Variants in CNOT1 observed in about 807,000 individuals in gnomAD.
CNOT1 encodes CCR4-NOT transcription complex subunit 1, also known as CCR4-associated factor 1.
A neutral mutation model predicts 273.8 loss-of-function variants in CNOT1; 15 were observed. The ratio of observed to expected loss-of-function variants is 0.05; its 90% CI spans 0.04 to 0.08. The LOEUF is 0.08. CNOT1 is among the 10% of genes least tolerant of loss of function. CNOT1 has a pLI of 1.00. For synonymous variants in CNOT1, 1,022 were observed against 1,005.5 expected, an observed-to-expected ratio of 1.02 and a Z score of -0.31; for missense variants, 1,644 against 2,912.2, an observed-to-expected ratio of 0.56 and a Z score of 10.02.
intron 46 of CNOT1, among the ~76,000 whole-genome samples, chr16:58,524,074 C>T (rs1039676904): frequency 6.6e-6 from 1 of 151,918 alleles, no homozygotes; most frequent in Non-Finnish European, 1.5e-5. Context: ...ATGGTGAAAC[C>T]CCATCTCTAC....
chr16:58,585,864 C>T (rs567556802), intron 7 of CNOT1, among the ~76,000 whole-genome samples: 2 of 152,108 alleles, frequency 1.3e-5, no homozygotes, highest in Admixed American at 1.3e-4. Flanking sequence ...ATTTATTTCA[C>T]TGGCAAGTGG....
At chr16:58,609,618 A>G (rs1320535653) in intron 1 of CNOT1, among the ~76,000 whole-genome samples, 1 of 151,766 alleles carries the variant, frequency 6.6e-6, no homozygotes, top group Non-Finnish European at 1.5e-5. Context: ...ACATGCCACC[A>G]TGCCTGGCTA....
At chr16:58,539,655 T>TAA (rs1290132370) in intron 35 of CNOT1, 113 bp downstream of exon 35, 22 of 1,128,398 alleles carry the variant, frequency 1.9e-5, no homozygotes, top group Non-Finnish European at 2.6e-5. Flanking sequence ...TTACAGAACT[T>TAA]GATTTATATT....
In CNOT1 at chr16:58,520,815, G is replaced by T; in HGVS notation, c.*143C>A. 1.2e-6 allele frequency: 1 copy of T among 815,056 alleles called. No individual in the cohort carries two copies. Among genetic ancestry groups the T allele is most frequent in the Non-Finnish European group, 2.0e-6 (1 of 511,440 alleles). The allele number at this position is 815,056 out of a possible 1,614,324, so 50.5% of individuals were successfully genotyped here. A position where few individuals can be genotyped will look rare whatever the true frequency, so the allele number is the denominator to read the frequency against. On this transcript the variant is annotated 3_prime_UTR_variant, in exon 49 of 49. Coordinates refer to ENST00000317147, the MANE Select transcript of CNOT1 (RefSeq NM_016284.5). ...ACGTGCCCACATAAGACAGGAGGCT[G>T]ATCCCAACAGTAGTTGGGGCAGATA...
rs1207156858 is a variant in CNOT1, at chr16:58,541,526, G to A, written c.4775C>T (p.Thr1592Met). The A allele has an allele frequency of 1.5e-5, 24 of 1,613,630 alleles. No individual in the cohort carries two copies. The highest frequency in any genetic ancestry group is 1.9e-5 in the Non-Finnish European group (23 of 1,179,746). ...FLPTNDLSQP[T>M]GFLAQPMKQA... ...CTTCATGGGCTGGGCTAAAAATCCC[G>A]TGGGCTGACTTAAGTCATTTGTAGG... Residue 1592 changes from threonine to methionine, a missense_variant, in exon 34 of 49, where the codon ACG (threonine) becomes ATG (methionine). This residue lies in a region of CNOT1 where 170 missense variants were observed against 273.1 expected (regional missense o/e 0.62). Coordinates refer to ENST00000317147, the MANE Select transcript of CNOT1 (RefSeq NM_016284.5).
chr16:58,555,817 A>C lies in CNOT1; in HGVS notation c.2571T>G (p.Asn857Lys). ...EANSYFQRIY[N>K]HPPHPTMSVD... ...CAGACATGGTTGGATGTGGTGGATG[A>C]TTATATATTCGCTGGAAATAGCTGT... Residue 857 changes from asparagine to lysine, a missense_variant, in exon 20 of 49, where the codon AAT (asparagine) becomes AAG (lysine). Physicochemically the swap from Asn to Lys is moderately conservative, Grantham distance 94. This residue lies in a region of CNOT1 where 74 missense variants were observed against 184.6 expected (regional missense o/e 0.40). Transcript: ENST00000317147. 1 of 1,614,046 alleles carries C rather than the reference A, an allele frequency of 6.2e-7. No homozygotes were observed. The highest frequency in any genetic ancestry group is 8.5e-7 in the Non-Finnish European group (1 of 1,180,020).
chr16:58,521,454 G>C, intron 47 of CNOT1, 137 bp from the exon 48 acceptor site: 1 of 795,400 alleles, frequency 1.3e-6, no homozygotes, highest in South Asian at 1.8e-5. Flanking sequence ...AAGACAGGTG[G>C]ATTAATATAC....
rs754565642 is a variant in CNOT1, at chr16:58,539,902, C to T, written c.4858G>A (p.Glu1620Lys). Reference sequence around the variant, plus strand: ...GGTGGGATGGCATGTAGATGTTGCTCCAGTTCTGTAATACACTTATCATAA... The same window carrying T: ...GGTGGGATGGCATGTAGATGTTGCTTCAGTTCTGTAATACACTTATCATAA... ...QIYDKCITEL[E>K]QHLHAIPPTL... The change falls in exon 35 of 49, where the codon GAG becomes AAG. Residue 1620 changes from glutamate to lysine, a missense_variant. Coordinates refer to ENST00000317147, the MANE Select transcript of CNOT1 (RefSeq NM_016284.5). 4 of 1,614,156 alleles carry T rather than the reference C, an allele frequency of 2.5e-6. No homozygotes were observed. The highest frequency in any genetic ancestry group is 3.4e-6 in the Non-Finnish European group (4 of 1,180,026).
rs140256093 is a variant in CNOT1, at chr16:58,583,577, G to A, written c.807-395C>T. Among the ~76,000 whole-genome samples, 9 of 152,206 alleles carry A rather than the reference G, an allele frequency of 5.9e-5. No homozygotes were observed. In the East Asian group the frequency reaches 7.8e-4, roughly 13 times the overall value. ...CAGCAGGAGGTGAGCAAGTATTTCC[G>A]CTTGGGCTCCACTTCCTGTGGAGTA... is the stretch of plus-strand genomic sequence containing the variant. On this transcript the variant is annotated intron_variant, in intron 8 of 48. Coordinates refer to ENST00000317147, the MANE Select transcript of CNOT1 (RefSeq NM_016284.5).
At chr16:58,539,060 TG>T in intron 35 of CNOT1, 146 bp from the exon 36 acceptor site, 1 of 1,247,722 alleles carries the variant, frequency 8.0e-7, no homozygotes, top group Non-Finnish European at 1.1e-6. Flanking sequence ...CCCTTTCAGT[TG>T]CCTATCACAC....
At chr16:58,544,046 G>A (rs959622987) in intron 30 of CNOT1, 143 bp from the exon 31 acceptor site, 22 of 1,370,578 alleles carry the variant, frequency 1.6e-5, no homozygotes, top group African/African-American at 2.9e-5. Context: ...TGGAAAATTC[G>A]GGTAACAGAA....
In CNOT1 at chr16:58,532,083, A is replaced by C. The variant is rs1201770883; in HGVS notation, c.6060-8T>G. On this transcript the variant is annotated splice_region_variant and splice_polypyrimidine_tract_variant and intron_variant, in intron 41 of 48. Coordinates refer to ENST00000317147, the MANE Select transcript of CNOT1 (RefSeq NM_016284.5). ...AAGATGTGGAATGTATTGCTGAAAG[A>C]AGAAAAACCTTAGTCAGAAGCACAG... 6.2e-7 allele frequency: 1 copy of C among 1,613,860 alleles called. No homozygotes were observed. The highest frequency in any genetic ancestry group is 8.5e-7 in the Non-Finnish European group (1 of 1,180,012).
intron 16 of CNOT1, among the ~76,000 whole-genome samples, chr16:58,560,998 C>T (rs1483086842): frequency 6.6e-6 from 1 of 152,122 alleles, no homozygotes; most frequent in African/African-American, 2.4e-5. Context: ...GCACTCCAGT[C>T]TGGGTGACAG....
At chr16:58,605,380 G>C (rs1241994795) in intron 1 of CNOT1, among the ~76,000 whole-genome samples, 1 of 151,944 alleles carries the variant, frequency 6.6e-6, no homozygotes, top group Non-Finnish European at 1.5e-5. Context: ...GTGCACACCT[G>C]TAATCCCGGC....
intron 39 of CNOT1, among the ~76,000 whole-genome samples, chr16:58,535,563 C>A (rs2039901141): frequency 6.6e-6 from 1 of 152,110 alleles, no homozygotes; most frequent in East Asian, 1.9e-4. Flanking sequence ...TCAGAAAGAC[C>A]AATGGATTCC....
chr16:58,530,207 C>G (rs756293219), intron 43 of CNOT1, 39 bp downstream of exon 43: 1 of 1,489,982 alleles, frequency 6.7e-7, no homozygotes, highest in South Asian at 1.2e-5. Flanking sequence ...TTCTTAAGAT[C>G]TCAGTTATTT....
In CNOT1 at chr16:58,629,795, C is replaced by G. The variant is rs1399484555; in HGVS notation, c.-242G>C. On this transcript the variant is annotated 5_prime_UTR_variant, in exon 1 of 49. Coordinates refer to ENST00000317147, the MANE Select transcript of CNOT1 (RefSeq NM_016284.5). ...TCCCCGACTCCGGCTCTCCTCGACC[C>G]CCTCTTCGGTTAACTCCGCTTGTTT... is the stretch of plus-strand genomic sequence containing the variant. 6.6e-6 allele frequency: 1 copy of G among 152,392 alleles called. No individual in the cohort carries two copies. The highest frequency in any genetic ancestry group is 1.5e-5 in the Non-Finnish European group (1 of 68,094). 9.4% of individuals were successfully genotyped at this position (152,392 alleles called of 1,614,324 possible).
chr16:58,554,933 C>CT (rs2040579863), intron 21 of CNOT1, among the ~76,000 whole-genome samples: 1 of 10,564 alleles, frequency 9.5e-5, no homozygotes, highest in Middle Eastern at 0.083. Flanking sequence ...AAGACTCCAT[C>CT]TCAAAAAAAA....
Position 58,521,311 on chromosome 16 carries a change from G to C in CNOT1, c.6924C>G (p.Leu2308=), listed in dbSNP as rs745628212. Residue 2308 remains leucine, a synonymous_variant, in exon 48 of 49, where the codon CTC becomes CTG. Transcript: ENST00000317147. ...EAIQEQITRV[L]LERLIVNRPH... is the part of the protein sequence containing the mutation. ...GCCTATTTACAATCAACCGTTCCAA[G>C]AGAACTCTGGAAAAAGGGAGAAAGA... 1 of 1,603,152 alleles carries C rather than the reference G, an allele frequency of 6.2e-7. No individual in the cohort carries two copies. The highest frequency in any genetic ancestry group is 8.5e-7 in the Non-Finnish European group (1 of 1,177,416).
Sources: allele counts gnomAD v4.1 joint callset (sites outside exome capture counted in the v4.1 genomes callset), GRCh38; gene constraint gnomAD v4.1.1; regional missense constraint gnomAD v4.1.1; transcripts MANE v1.5; gene names NCBI Gene and HGNC (gene_info 2026-07-23, HGNC 2026-07-21).